Variants in SYNE1 observed in about 807,000 individuals in gnomAD.
The protein encoded by SYNE1 is nesprin-1.
A neutral mutation model predicts 1,111.0 loss-of-function variants in SYNE1; 616 were observed. The ratio of observed to expected loss-of-function variants is 0.55; its 90% CI spans 0.52 to 0.59. SYNE1 has a LOEUF of 0.59. Among genes scored for constraint, SYNE1 ranks in the 20% least tolerant of loss-of-function variants. SYNE1 has a pLI of 0.00. For missense variants in SYNE1, 10,006 were observed against 10,417.0 expected (o/e 0.96, Z 1.72); for synonymous variants, 3,855 against 3,825.8 (o/e 1.01, Z -0.28).
intron 3 of SYNE1, among the ~76,000 whole-genome samples, chr6:152,568,625 G>A (rs925174399): frequency 6.6e-6 from 1 of 152,000 alleles, no homozygotes; most frequent in Non-Finnish European, 1.5e-5. Flanking sequence ...TTTAGAGACA[G>A]GGTCTCTCTA....
intron 4 of SYNE1, among the ~76,000 whole-genome samples, chr6:152,529,181 C>T (rs930590832): frequency 6.6e-6 from 1 of 152,174 alleles, no homozygotes; most frequent in Non-Finnish European, 1.5e-5. Flanking sequence ...CCTTATGAAA[C>T]ACTCACTAAA....
At chr6:152,150,915 AAAC>A (rs530516781) in intron 135 of SYNE1, among the ~76,000 whole-genome samples, 4 of 152,160 alleles carry the variant, frequency 2.6e-5, no homozygotes, top group Non-Finnish European at 4.4e-5. Context: ...AAATAAACGA[AAAC>A]AACAACAACA....
chr6:152,234,809 T>C lies in SYNE1; in HGVS notation c.20397-9A>G, dbSNP rs1173546479. The C allele has an allele frequency of 1.2e-6, 2 of 1,613,944 alleles. No homozygotes were observed. The highest frequency in any genetic ancestry group is 1.6e-4 in the Middle Eastern group (1 of 6,084). ...CAGATTCACTTTGATATCTGTTAAGTATATTATGGAGTCCATTAAGTAAAC... is the reference window on the plus strand; with the variant it reads ...CAGATTCACTTTGATATCTGTTAAGCATATTATGGAGTCCATTAAGTAAAC... On this transcript the variant is annotated splice_polypyrimidine_tract_variant and intron_variant, in intron 110 of 145. Transcript: ENST00000367255.
At chr6:152,564,000 T>TA (rs2099403190) in intron 3 of SYNE1, among the ~76,000 whole-genome samples, 1 of 152,124 alleles carries the variant, frequency 6.6e-6, no homozygotes. Context: ...GCACATAAAA[T>TA]ATCAGTTAAA....
At chr6:152,147,969 C>G in intron 137 of SYNE1, 76 bp downstream of exon 137, 3 of 1,227,634 alleles carry the variant, frequency 2.4e-6, no homozygotes, top group South Asian at 2.5e-5. Flanking sequence ...TTCTGGATAG[C>G]TGTCATGTTT....
chr6:152,130,761 A>G lies in SYNE1; in HGVS notation c.26112T>C (p.Ser8704=). Residue 8704 remains serine, a synonymous_variant, in exon 145 of 146, where the codon AGT becomes AGC. Coordinates refer to ENST00000367255, the MANE Select transcript of SYNE1 (RefSeq NM_182961.4). ...NRQKTPRGKC[S]LSQPGPSVSS... Reference sequence around the variant, plus strand: ...TGACAGAGGGTCCAGGCTGTGAGAGACTACACTTGCCTCGTGGCTGTTTGC... The same window carrying G: ...TGACAGAGGGTCCAGGCTGTGAGAGGCTACACTTGCCTCGTGGCTGTTTGC... 2 of 1,614,088 alleles carry G rather than the reference A, an allele frequency of 1.2e-6. No homozygotes were observed. The highest frequency in any genetic ancestry group is 1.7e-6 in the Non-Finnish European group (2 of 1,180,006).
intron 3 of SYNE1, among the ~76,000 whole-genome samples, chr6:152,582,181 T>C (rs960587202): frequency 9.9e-5 from 15 of 152,120 alleles, no homozygotes; most frequent in African/African-American, 3.4e-4. Context: ...TTTTTCAAGT[T>C]AGCCTGACAC....
chr6:152,575,396 G>A (rs369319033), intron 3 of SYNE1, among the ~76,000 whole-genome samples: 1 of 152,238 alleles, frequency 6.6e-6, no homozygotes, highest in East Asian at 1.9e-4. Flanking sequence ...TGCATTAGAT[G>A]CCCCAAGACT....
intron 98 of SYNE1, among the ~76,000 whole-genome samples, chr6:152,276,942 T>C (rs1217707872): frequency 1.4e-5 from 2 of 146,984 alleles, no homozygotes; most frequent in Non-Finnish European, 3.0e-5. Context: ...TGGAGTGCAG[T>C]GGTGCGATCT....
intron 3 of SYNE1, among the ~76,000 whole-genome samples, chr6:152,605,002 AAGAAAGAGAG>A (rs1285763559): frequency 2.1e-3 from 53 of 24,898 alleles, no homozygotes; most frequent in African/African-American, 4.4e-3. Flanking sequence ...GAAAGAAAGA[AAGAAAGAGAG>A]AGAGAGAGAG....
intron 19 of SYNE1, 49 bp from the exon 20 acceptor site, chr6:152,462,939 A>G: frequency 6.2e-7 from 1 of 1,601,816 alleles, no homozygotes. Flanking sequence ...TTTAGCTGCG[A>G]CCACTGGAAC....
intron 3 of SYNE1, among the ~76,000 whole-genome samples, chr6:152,597,112 A>G (rs1276256374): frequency 6.6e-6 from 1 of 152,256 alleles, no homozygotes; most frequent in Non-Finnish European, 1.5e-5. Context: ...ATTTACACAC[A>G]CTTGCTCTGG....
intron 39 of SYNE1, among the ~76,000 whole-genome samples, chr6:152,420,154 T>C (rs2098233109): frequency 6.6e-6 from 1 of 152,214 alleles, no homozygotes; most frequent in African/African-American, 2.4e-5. Context: ...CTATGACTTT[T>C]GTCATCCATA....
chr6:152,627,242 G>A (rs1310269285), intron 3 of SYNE1, among the ~76,000 whole-genome samples: 1 of 152,132 alleles, frequency 6.6e-6, no homozygotes, highest in Non-Finnish European at 1.5e-5. Context: ...ATAACTACAG[G>A]TGATAATTAT....
chr6:152,362,982 G>A (rs895004932), intron 63 of SYNE1, among the ~76,000 whole-genome samples: 1 of 150,970 alleles, frequency 6.6e-6, no homozygotes, highest in Non-Finnish European at 1.5e-5. Flanking sequence ...CCGGGTTCAC[G>A]CCATTCTCCT....
intron 39 of SYNE1, among the ~76,000 whole-genome samples, chr6:152,421,966 A>G (rs967376117): frequency 2.0e-5 from 3 of 152,168 alleles, no homozygotes; most frequent in Admixed American, 2.0e-4. Flanking sequence ...TCGGCCTCCC[A>G]AAGTGCTGGG....
chr6:152,150,918 C>A (rs2060291933), intron 135 of SYNE1, among the ~76,000 whole-genome samples: 1 of 151,964 alleles, frequency 6.6e-6, no homozygotes, highest in African/African-American at 2.4e-5. Context: ...TAAACGAAAA[C>A]AACAACAACA....
At chr6:152,622,530 G>A (rs1189023321) in intron 3 of SYNE1, among the ~76,000 whole-genome samples, 1 of 152,048 alleles carries the variant, frequency 6.6e-6, no homozygotes, top group Non-Finnish European at 1.5e-5. Context: ...TTGGTTTTCT[G>A]TTCCTGTATC....
chr6:152,363,343 A>C, intron 63 of SYNE1, among the ~76,000 whole-genome samples: 1 of 148,764 alleles, frequency 6.7e-6, no homozygotes. Context: ...AAATACAAAA[A>C]ATTAGCCGGG....
Sources: gnomAD v4.1 joint callset for allele counts (sites outside exome capture counted in the v4.1 genomes callset) on GRCh38, gnomAD v4.1.1 for gene constraint, MANE v1.5 for transcripts, NCBI Gene and HGNC (gene_info 2026-07-23, HGNC 2026-07-21) for gene names.